ADCY2: variants seen among roughly 807,000 people sequenced by gnomAD.
ADCY2 encodes adenylate cyclase type 2.
ADCY2 carries 31 observed loss-of-function variants against 125.2 expected under a neutral mutation model. That is an observed-to-expected ratio of 0.25 (90% confidence interval 0.19 to 0.33). The LOEUF (loss-of-function observed/expected upper bound fraction) is 0.33. Among genes scored for constraint, ADCY2 ranks in the 10% least tolerant of loss-of-function variants. The pLI, the probability that ADCY2 is intolerant of heterozygous loss-of-function variation, is 1.00. For synonymous variants in ADCY2, 512 were observed against 548.4 expected, an observed-to-expected ratio of 0.93 and a Z score of 0.93; for missense variants, 904 against 1,418.2, an observed-to-expected ratio of 0.64 and a Z score of 5.82.
intron 3 of ADCY2, among the ~76,000 whole-genome samples, chr5:7,527,716 T>G (rs1278099770): frequency 6.6e-6 from 1 of 152,240 alleles, no homozygotes; most frequent in African/African-American, 2.4e-5. Context: ...ATTTGAAAAA[T>G]TTTAGATTGC....
At chr5:7,773,864 T>A (rs1243504539) in intron 18 of ADCY2, among the ~76,000 whole-genome samples, 1 of 152,168 alleles carries the variant, frequency 6.6e-6, no homozygotes, top group East Asian at 1.9e-4. Flanking sequence ...TAATGAATAT[T>A]TGTTTGAAAA....
intron 3 of ADCY2, among the ~76,000 whole-genome samples, chr5:7,552,247 G>A (rs1735367625): frequency 6.6e-6 from 1 of 152,094 alleles, no homozygotes; most frequent in Non-Finnish European, 1.5e-5. Flanking sequence ...TTAAGACAGT[G>A]GAAAACAAAC....
chr5:7,580,047 A>T (rs1315410691), intron 3 of ADCY2, among the ~76,000 whole-genome samples: 4 of 152,212 alleles, frequency 2.6e-5, no homozygotes, highest in Admixed American at 6.5e-5. Flanking sequence ...CTCAGTAATA[A>T]GTGGGAGCTA....
chr5:7,482,791 T>TATATATATATATAC (rs1443104319), intron 2 of ADCY2, among the ~76,000 whole-genome samples: 39 of 139,840 alleles, frequency 2.8e-4, no homozygotes, highest in African/African-American at 9.2e-4. Context: ...TATATATATA[T>TATATATATATATAC]ACACACACAC....
intron 2 of ADCY2, among the ~76,000 whole-genome samples, chr5:7,507,389 C>T (rs1334382237): frequency 1.6e-5 from 2 of 124,188 alleles, no homozygotes; most frequent in African/African-American, 6.5e-5. Context: ...TGCAGTGAGC[C>T]GAGATCATAC....
chr5:7,555,505 G>T (rs1439702333), intron 3 of ADCY2, among the ~76,000 whole-genome samples: 1 of 152,182 alleles, frequency 6.6e-6, no homozygotes, highest in Admixed American at 6.5e-5. Flanking sequence ...TAGAACACAA[G>T]TTTTATTTGG....
intron 7 of ADCY2, among the ~76,000 whole-genome samples, chr5:7,704,815 T>C (rs139017138): frequency 0.046 from 6,968 of 151,698 alleles, 539 homozygotes; most frequent in African/African-American, 0.16. Flanking sequence ...GCGGCGGAGC[T>C]TGCAGTGAGC....
intron 3 of ADCY2, among the ~76,000 whole-genome samples, chr5:7,589,528 A>AAAGAAGAAAG (rs1561112731): frequency 7.5e-6 from 1 of 132,558 alleles, no homozygotes; most frequent in Non-Finnish European, 1.6e-5. Context: ...AAGAAAGAGA[A>AAAGAAGAAAG]AGAAAGAAAG....
At chr5:7,780,980 G>A (rs1579428211) in intron 18 of ADCY2, among the ~76,000 whole-genome samples, 1 of 152,328 alleles carries the variant, frequency 6.6e-6, no homozygotes, top group Non-Finnish European at 1.5e-5. Flanking sequence ...GGGAGCATCT[G>A]AGTCCCCAGT....
intron 3 of ADCY2, among the ~76,000 whole-genome samples, chr5:7,542,946 C>T (rs1342983289): frequency 6.6e-6 from 1 of 152,182 alleles, no homozygotes; most frequent in Non-Finnish European, 1.5e-5. Flanking sequence ...GTAACAAAGC[C>T]ATGTTTCTTC....
chr5:7,670,083 A>G lies in ADCY2; in HGVS notation c.721-20608A>G, dbSNP rs966682637. 7.9e-5 allele frequency among the ~76,000 whole-genome samples: 12 copies of G among 152,158 alleles called. 1 individual carries two copies. Among genetic ancestry groups the G allele is most frequent in the African/African-American group, 2.4e-4 (10 of 41,440 alleles). The stretch of plus-strand genomic sequence containing the variant: ...CCAATGTTATTTTTTCATTTACTTA[A>G]TATTTTGGGTTTTAATGTATTTATT... On this transcript the variant is annotated intron_variant, in intron 4 of 24. Coordinates refer to ENST00000338316, the MANE Select transcript of ADCY2 (RefSeq NM_020546.3).
chr5:7,612,495 G>C (rs1252455537), intron 3 of ADCY2, among the ~76,000 whole-genome samples: 2 of 152,172 alleles, frequency 1.3e-5, no homozygotes, highest in Non-Finnish European at 2.9e-5. Context: ...GATGGTTTGG[G>C]GTGAGGCCTT....
chr5:7,558,912 T>C (rs1735622585), intron 3 of ADCY2, among the ~76,000 whole-genome samples: 1 of 144,842 alleles, frequency 6.9e-6, no homozygotes, highest in South Asian at 2.1e-4. Context: ...GCTAGCCAGT[T>C]ATCCTAGCAC....
At chr5:7,434,361 A>C (rs975199374) in intron 2 of ADCY2, among the ~76,000 whole-genome samples, 1 of 152,274 alleles carries the variant, frequency 6.6e-6, no homozygotes, top group African/African-American at 2.4e-5. Flanking sequence ...ACATCTGCAT[A>C]TATCAGAAGT....
intron 4 of ADCY2, among the ~76,000 whole-genome samples, chr5:7,683,891 T>A (rs1474655086): frequency 6.6e-6 from 1 of 152,240 alleles, no homozygotes. Flanking sequence ...CTTCTGTCAA[T>A]GATATTATCA....
At chr5:7,450,884 G>A (rs1237228686) in intron 2 of ADCY2, among the ~76,000 whole-genome samples, 2 of 152,036 alleles carry the variant, frequency 1.3e-5, no homozygotes, top group Admixed American at 6.6e-5. Context: ...ATCTGTTTAC[G>A]GCATGCTATT....
intron 3 of ADCY2, among the ~76,000 whole-genome samples, chr5:7,534,235 C>A (rs923930504): frequency 6.6e-6 from 1 of 152,318 alleles, no homozygotes; most frequent in East Asian, 1.9e-4. Context: ...TACTCCTGGG[C>A]ACTGCTAGCT....
At chr5:7,569,369 G>T (rs1579583030) in intron 3 of ADCY2, among the ~76,000 whole-genome samples, 1 of 152,048 alleles carries the variant, frequency 6.6e-6, no homozygotes, top group Admixed American at 6.6e-5. Flanking sequence ...GCTTGAAAAA[G>T]ACTTGGGCCA....
intron 12 of ADCY2, among the ~76,000 whole-genome samples, chr5:7,721,486 G>A (rs1161379465): frequency 6.6e-6 from 1 of 152,206 alleles, no homozygotes; most frequent in Non-Finnish European, 1.5e-5. Context: ...CCTATAGCCT[G>A]AATGGTATTG....
Sources: allele counts gnomAD v4.1 joint callset (sites outside exome capture counted in the v4.1 genomes callset), GRCh38; gene constraint gnomAD v4.1.1; transcripts MANE v1.5; gene names NCBI Gene and HGNC (gene_info 2026-07-23, HGNC 2026-07-21).